ALDH2: variants seen among roughly 807,000 people sequenced by gnomAD.
ALDH2 encodes aldehyde dehydrogenase 2 family member.
A neutral mutation model predicts 59.6 loss-of-function variants in ALDH2; 44 were observed. The ratio of observed to expected loss-of-function variants is 0.74; its 90% CI spans 0.58 to 0.95. ALDH2 has a LOEUF of 0.95. Ranked by LOEUF, ALDH2 falls within the 40% of genes least tolerant of loss-of-function variation. The pLI is 0.00. For missense variants in ALDH2, 570 were observed against 696.3 expected (o/e 0.82, Z 2.04); for synonymous variants, 291 against 284.0 (o/e 1.02, Z -0.25).
rs2068232512 is a variant in ALDH2, at chr12:111,776,107, G to C, written c.115-5811G>C. On this transcript the variant is annotated intron_variant, in intron 1 of 12. Transcript: ENST00000261733. ...CAGGATCCTAATCTAAATCAGAGGGGCCAGCCCAGCGAGGAAGGGGTGGGG... is the reference window on the plus strand; with the variant it reads ...CAGGATCCTAATCTAAATCAGAGGGCCCAGCCCAGCGAGGAAGGGGTGGGG... Among the ~76,000 whole-genome samples, 3 of 152,176 alleles carry C rather than the reference G, an allele frequency of 2.0e-5. No individual in the cohort carries two copies. In the South Asian group the frequency reaches 6.2e-4, roughly 31 times the overall value.
chr12:111,791,485 G>C, intron 7 of ALDH2, 66 bp downstream of exon 7: 1 of 1,259,784 alleles, frequency 7.9e-7, no homozygotes, highest in East Asian at 2.5e-5. Flanking sequence ...CTCAGTGGAC[G>C]ACATGCTCAA....
chr12:111,783,299 G>T lies in ALDH2; in HGVS notation c.360+1G>T. On this transcript the variant is annotated splice_donor_variant, in intron 3 of 12. Coordinates refer to ENST00000261733, the MANE Select transcript of ALDH2 (RefSeq NM_000690.4). LOFTEE classifies it high-confidence loss of function. ...CGAGCGGGACCGGACCTACCTGGCG[G>T]TGAGTCCTCAGCCCTTCTCCCCCTC... 1 of 1,603,816 alleles carries T rather than the reference G, an allele frequency of 6.2e-7. No homozygotes were observed. Among genetic ancestry groups the T allele is most frequent in the Non-Finnish European group, 8.5e-7 (1 of 1,173,140 alleles).
chr12:111,797,993 C>T, intron 9 of ALDH2, 85 bp from the exon 10 acceptor site: 2 of 1,526,944 alleles, frequency 1.3e-6, no homozygotes, highest in Non-Finnish European at 1.8e-6. Flanking sequence ...TCCCAGTTGT[C>T]TTGTTGCCTG....
intron 1 of ALDH2, among the ~76,000 whole-genome samples, chr12:111,781,539 C>G (rs944303763): frequency 1.3e-5 from 2 of 152,228 alleles, no homozygotes; most frequent in African/African-American, 4.8e-5. Context: ...TGTCCTCACA[C>G]TGTAGCCACA....
At chr12:111,789,024 T>TC in intron 4 of ALDH2, among the ~76,000 whole-genome samples, 1 of 147,270 alleles carries the variant, frequency 6.8e-6, no homozygotes, top group Non-Finnish European at 1.5e-5. Context: ...TTTCTTTTTT[T>TC]TTTTTTTTTT....
At chr12:111,788,656 A>G (rs1474812947) in intron 4 of ALDH2, among the ~76,000 whole-genome samples, 1 of 152,148 alleles carries the variant, frequency 6.6e-6, no homozygotes, top group South Asian at 2.1e-4. Context: ...GCTTGCATAG[A>G]TTGGCAACCC....
At chr12:111,771,089 A>G (rs2068196022) in intron 1 of ALDH2, among the ~76,000 whole-genome samples, 1 of 152,072 alleles carries the variant, frequency 6.6e-6, no homozygotes, top group Non-Finnish European at 1.5e-5. Flanking sequence ...GAGAACTGAC[A>G]GGCAATTAAG....
Position 111,789,908 on chromosome 12 carries a change from G to A in ALDH2, c.526G>A (p.Val176Met), listed in dbSNP as rs2068343976. 1 of 1,614,108 alleles carries A rather than the reference G, an allele frequency of 6.2e-7. No homozygotes were observed. Among genetic ancestry groups the A allele is most frequent in the Admixed American group, 1.7e-5 (1 of 59,998 alleles). Residue 176 changes from valine (V) to methionine (M), a missense_variant, in exon 5 of 13, where the codon GTG (valine) becomes ATG (methionine). Val to Met is a conservative substitution (Grantham distance 21). Transcript: ENST00000261733. ...CTTCAGCTACACACGCCATGAACCT[G>A]TGGGGGTGTGCGGGCAGATCATTCC... ...DFFSYTRHEP[V>M]GVCGQIIPWN...
chr12:111,792,893 C>T, intron 9 of ALDH2, 111 bp downstream of exon 9: 1 of 1,215,726 alleles, frequency 8.2e-7, no homozygotes, highest in Non-Finnish European at 1.1e-6. Flanking sequence ...CTCTACCACA[C>T]AGCAGCTGTG....
intron 1 of ALDH2, among the ~76,000 whole-genome samples, chr12:111,778,198 A>G (rs2068247097): frequency 2.0e-5 from 3 of 152,170 alleles, no homozygotes; most frequent in Admixed American, 2.0e-4. Flanking sequence ...AGATGAGGAA[A>G]CAAAGACACA....
intron 10 of ALDH2, among the ~76,000 whole-genome samples, chr12:111,799,420 G>C (rs533267797): frequency 1.3e-5 from 2 of 151,970 alleles, no homozygotes; most frequent in African/African-American, 4.8e-5. Flanking sequence ...ACCTGCCTCA[G>C]CCTCCCAAAA....
intron 9 of ALDH2, among the ~76,000 whole-genome samples, chr12:111,795,206 G>T (rs2068393497): frequency 6.6e-6 from 1 of 152,144 alleles, no homozygotes; most frequent in African/African-American, 2.4e-5. Flanking sequence ...ACCACATTTT[G>T]ATTTTTCTAT....
Position 111,809,640 on chromosome 12 carries a change from A to G in ALDH2, c.*65A>G. 1 of 1,569,178 alleles carries G rather than the reference A, an allele frequency of 6.4e-7. No individual in the cohort carries two copies. The highest frequency in any genetic ancestry group is 8.8e-7 in the Non-Finnish European group (1 of 1,140,708). Reference sequence around the variant, plus strand: ...TTCAGCAAGATCAGCAACAAAACCAAGAAAAATGATCCTTGCGTGCTGAAT... The same window carrying G: ...TTCAGCAAGATCAGCAACAAAACCAGGAAAAATGATCCTTGCGTGCTGAAT... On this transcript the variant is annotated 3_prime_UTR_variant, in exon 13 of 13. Coordinates refer to ENST00000261733, the MANE Select transcript of ALDH2 (RefSeq NM_000690.4).
chr12:111,804,610 G>A, intron 12 of ALDH2, among the ~76,000 whole-genome samples: 1 of 152,092 alleles, frequency 6.6e-6, no homozygotes. Context: ...AGCCAGGTGT[G>A]GTGGCGTGCG....
In ALDH2 at chr12:111,783,197, T is replaced by C. The variant is rs765039944; in HGVS notation, c.259T>C (p.Phe87Leu). ...DKAVKAARAA[F>L]QLGSPWRRMD... ...GGCAGTGAAGGCCGCCCGGGCCGCC[T>C]TCCAGCTGGGCTCACCTTGGCGCCG... The change falls in exon 3 of 13, where the codon TTC becomes CTC. Residue 87 changes from phenylalanine (F) to leucine (L), a missense_variant. Coordinates refer to ENST00000261733, the MANE Select transcript of ALDH2 (RefSeq NM_000690.4). 15 of 1,613,206 alleles carry C rather than the reference T, an allele frequency of 9.3e-6. No homozygotes were observed. The African/African-American group carries it at 1.7e-4, about 19-fold the overall frequency.
chr12:111,785,221 T>C, intron 3 of ALDH2, 46 bp from the exon 4 acceptor site: 1 of 1,512,200 alleles, frequency 6.6e-7, no homozygotes, highest in Middle Eastern at 1.7e-4. Context: ...TTTGTTTTCC[T>C]CTCATTCCTG....
chr12:111,792,892 A>C, intron 9 of ALDH2, 110 bp downstream of exon 9: 1 of 1,214,332 alleles, frequency 8.2e-7, no homozygotes. Context: ...GCTCTACCAC[A>C]CAGCAGCTGT....
chr12:111,797,159 T>A (rs1465137217), intron 9 of ALDH2, among the ~76,000 whole-genome samples: 1 of 152,112 alleles, frequency 6.6e-6, no homozygotes, highest in East Asian at 1.9e-4. Flanking sequence ...AGTCTTGAAC[T>A]CCTGACCTCA....
At chr12:111,790,054 G>T in intron 5 of ALDH2, 120 bp downstream of exon 5, 2 of 884,558 alleles carry the variant, frequency 2.3e-6, no homozygotes, top group East Asian at 2.6e-5. Flanking sequence ...TAAGAAGATG[G>T]GCTCTGACAA....
Sources: allele counts gnomAD v4.1 joint callset (sites outside exome capture counted in the v4.1 genomes callset), GRCh38; gene constraint gnomAD v4.1.1; transcripts MANE v1.5; gene names NCBI Gene and HGNC (gene_info 2026-07-23, HGNC 2026-07-21).